The following SBNO1 variants were observed in gnomAD, a reference collection of about 807,000 sequenced individuals.
SBNO1 encodes protein strawberry notch homolog 1.
Under a neutral mutation model 173.6 loss-of-function variants are expected in SBNO1, and 23 were observed. That is an observed-to-expected ratio of 0.13 (90% CI 0.10 to 0.19). SBNO1 has a LOEUF of 0.19. Among genes scored for constraint, SBNO1 ranks in the 10% least tolerant of loss-of-function variants. SBNO1 has a pLI of 1.00. For synonymous variants in SBNO1, 632 were observed against 571.5 expected (o/e 1.11, Z -1.51); for missense variants, 1,238 against 1,671.2 (o/e 0.74, Z 4.52).
intron 4 of SBNO1, among the ~76,000 whole-genome samples, 182 bp downstream of exon 4, chr12:123,345,076 C>G (rs1872967253): frequency 6.6e-6 from 1 of 152,182 alleles, no homozygotes; most frequent in Non-Finnish European, 1.5e-5. Context: ...GCTAAACAAC[C>G]TACCCAAGGC....
At chr12:123,330,953 A>G (rs769527507) in intron 8 of SBNO1, among the ~76,000 whole-genome samples, 29 of 152,100 alleles carry the variant, frequency 1.9e-4, no homozygotes, top group African/African-American at 6.5e-4. Flanking sequence ...CCCACATGCT[A>G]AAGTAATTAC....
rs543598132 is a variant in SBNO1, at chr12:123,348,273, A to G, written c.133-140T>C. The G allele has an allele frequency of 1.2e-4, 61 of 522,450 alleles. 1 individual carries two copies. The South Asian group carries it at 1.2e-3, about 11-fold the overall frequency. The allele number at this position is 522,450 out of a possible 1,614,324, so 32.4% of individuals were successfully genotyped here. A position where few individuals can be genotyped will look rare whatever the true frequency, so the allele number is the denominator to read the frequency against. On this transcript the variant is annotated intron_variant, in intron 2 of 31. Coordinates refer to ENST00000602398, the MANE Select transcript of SBNO1 (RefSeq NM_001167856.3). ...ATCACTAACAGCAGATTTATAATGT[A>G]ATAATCTTTGCAAGCACAAGATCTC...
chr12:123,309,912 TC>T, intron 25 of SBNO1, 56 bp from the exon 26 acceptor site: 1 of 1,356,512 alleles, frequency 7.4e-7, no homozygotes, highest in Non-Finnish European at 1.0e-6. Context: ...AATTTTTTAT[TC>T]ATCTAGGCTT....
intron 5 of SBNO1, among the ~76,000 whole-genome samples, chr12:123,339,325 C>T (rs1485626917): frequency 6.6e-6 from 1 of 152,064 alleles, no homozygotes; most frequent in African/African-American, 2.4e-5. Flanking sequence ...AGTACCCCTT[C>T]TTACTTCCCC....
rs765199124 is a variant in SBNO1, at chr12:123,313,596, G to A, written c.3220+24C>T. On this transcript the variant is annotated intron_variant, in intron 24 of 31. Transcript: ENST00000602398. ...ATCTTTGTCAATAATCATTGTCATT[G>A]TTATGAATATTTGTAGAAGTTACCT... 1.0e-5 allele frequency: 12 copies of A among 1,171,082 alleles called. No homozygotes were observed. In the Admixed American group the frequency reaches 1.6e-4, roughly 16 times the overall value. The allele number at this position is 1,171,082 out of a possible 1,614,324, so 72.5% of individuals were successfully genotyped here.
In SBNO1 at chr12:123,334,103, T is replaced by A; in HGVS notation, c.859A>T (p.Asn287Tyr). ...KTSISEETIDNGWLSALQLEA... is the reference protein window; with the variant it reads ...KTSISEETIDYGWLSALQLEA... ...AGCTGCAATGCTGATAACCAGCCAT[T>A]ATCAATGGTTTCCTCAGAAATGGAT... Residue 287 changes from asparagine to tyrosine, a missense_variant, in exon 7 of 32, where the codon AAT becomes TAT. By Grantham distance (143) the Asn-to-Tyr change is moderately radical. Around this residue, in one of 14 missense-constraint regions of SBNO1, gnomAD observed 78 missense variants for 103.3 expected, o/e 0.76. Coordinates refer to ENST00000602398, the MANE Select transcript of SBNO1 (RefSeq NM_001167856.3). 6.2e-7 allele frequency: 1 copy of A among 1,605,004 alleles called. No individual in the cohort carries two copies. Among genetic ancestry groups the A allele is most frequent in the African/African-American group, 1.3e-5 (1 of 74,894 alleles).
chr12:123,315,276 C>A, intron 23 of SBNO1, 97 bp downstream of exon 23: 1 of 863,530 alleles, frequency 1.2e-6, no homozygotes, highest in Non-Finnish European at 1.9e-6. Flanking sequence ...ATAGGAGAGG[C>A]AGTTTTGTTT....
At chr12:123,318,970 T>G (rs1430877878) in intron 20 of SBNO1, among the ~76,000 whole-genome samples, 1 of 150,984 alleles carries the variant, frequency 6.6e-6, no homozygotes, top group Non-Finnish European at 1.5e-5. Flanking sequence ...AGGGAACGTT[T>G]TTTTTTTTTT....
intron 23 of SBNO1, 82 bp downstream of exon 23, chr12:123,315,291 C>T (rs1382288426): frequency 5.6e-6 from 6 of 1,080,620 alleles, no homozygotes; most frequent in African/African-American, 1.5e-5. Context: ...TTGTTTTAGA[C>T]AGTAACTACT....
chr12:123,294,284 G>C lies in SBNO1; in HGVS notation c.*1624C>G, dbSNP rs1310839289. 6.6e-6 allele frequency: 1 copy of C among 152,156 alleles called. No individual in the cohort carries two copies. The highest frequency in any genetic ancestry group is 1.9e-4 in the East Asian group (1 of 5,204). 9.4% of individuals were successfully genotyped at this position (152,156 alleles called of 1,614,324 possible). On this transcript the variant is annotated 3_prime_UTR_variant, in exon 32 of 32. Transcript: ENST00000602398. ...ACGCCCTAAGCTTTCAGCCAGGTTT[G>C]TCAGTTTTAACACACATCTCACCCA...
At chr12:123,354,376 C>T (rs1039869174) in intron 1 of SBNO1, among the ~76,000 whole-genome samples, 5 of 152,080 alleles carry the variant, frequency 3.3e-5, no homozygotes, top group African/African-American at 1.2e-4. Context: ...TTACAAGCTA[C>T]TAATGAAAGA....
intron 21 of SBNO1, among the ~76,000 whole-genome samples, chr12:123,316,381 C>G (rs1263913932): frequency 1.3e-5 from 2 of 152,086 alleles, no homozygotes; most frequent in Non-Finnish European, 2.9e-5. Context: ...TGCACCACCA[C>G]GCCCGGCTAA....
At chr12:123,343,699 A>C (rs1296020007) in intron 4 of SBNO1, among the ~76,000 whole-genome samples, 1 of 151,960 alleles carries the variant, frequency 6.6e-6, no homozygotes, top group East Asian at 1.9e-4. Context: ...CATCATGCCC[A>C]GCTAATTTTC....
rs1482371713 is a variant in SBNO1, at chr12:123,334,144, T to C, written c.818A>G (p.Asp273Gly). ...TSSLSSVTPP[D>G]VWYKTSISEE... is the part of the protein sequence containing the mutation. The stretch of plus-strand genomic sequence containing the variant: ...AGAAATGGATGTTTTGTACCAAACA[T>C]CAGGAGGAGTAACACTGGATAAAGA... The change falls in exon 7 of 32, where the codon GAT becomes GGT. Residue 273 changes from aspartate to glycine, a missense_variant. Physicochemically the swap from Asp to Gly is moderately conservative, Grantham distance 94 (BLOSUM62 -1). Around this residue, in one of 14 missense-constraint regions of SBNO1, gnomAD observed 78 missense variants for 103.3 expected, o/e 0.76. Coordinates refer to ENST00000602398, the MANE Select transcript of SBNO1 (RefSeq NM_001167856.3). 1 of 1,607,180 alleles carries C rather than the reference T, an allele frequency of 6.2e-7. No homozygotes were observed. The highest frequency in any genetic ancestry group is 1.3e-5 in the African/African-American group (1 of 74,926).
chr12:123,336,369 A>G (rs376638806), intron 6 of SBNO1, 26 bp downstream of exon 6: 57 of 1,354,960 alleles, frequency 4.2e-5, no homozygotes, highest in Non-Finnish European at 5.6e-5. Context: ...TTTGATGTAA[A>G]TATCTGACAA....
rs959693791 is a variant in SBNO1, at chr12:123,311,570, G to T, written c.3221-441C>A. Among the ~76,000 whole-genome samples, 4 of 151,778 alleles carry T rather than the reference G, an allele frequency of 2.6e-5. No homozygotes were observed. In the South Asian group the frequency reaches 8.3e-4, roughly 32 times the overall value. On this transcript the variant is annotated intron_variant, in intron 24 of 31. Transcript: ENST00000602398. ...GGGTTTCGCCATGTTGGCCAGGCTG[G>T]TCTCAAACTCCTAACCTCCGGAGAT...
intron 25 of SBNO1, among the ~76,000 whole-genome samples, chr12:123,310,585 A>G (rs1449461660): frequency 6.7e-6 from 1 of 149,990 alleles, no homozygotes; most frequent in African/African-American, 2.5e-5. Context: ...CCGAAGTTGG[A>G]GTGCAGTGGT....
chr12:123,364,187 G>A (rs1431636751), intron 1 of SBNO1: 3 of 985,452 alleles, frequency 3.0e-6, no homozygotes, highest in Admixed American at 1.2e-4. Context: ...CCGCGCTGTG[G>A]GGTTCAGATT....
intron 31 of SBNO1, among the ~76,000 whole-genome samples, chr12:123,296,555 G>GTTTT (rs35125710): frequency 1.1e-4 from 15 of 140,416 alleles, no homozygotes; most frequent in Non-Finnish European, 1.5e-4. Flanking sequence ...ATATATATGT[G>GTTTT]TTTTTTTTTT....
Sources: gnomAD v4.1 joint callset for allele counts (sites outside exome capture counted in the v4.1 genomes callset) on GRCh38, gnomAD v4.1.1 for gene constraint, gnomAD v4.1.1 regional missense constraint, MANE v1.5 for transcripts, NCBI Gene and HGNC (gene_info 2026-07-23, HGNC 2026-07-21) for gene names.